Variants in CSTL1 observed in about 807,000 individuals in gnomAD.
The protein encoded by CSTL1 is cystatin like 1.
In CSTL1, 14 loss-of-function variants were observed where a neutral mutation model predicts 14.4. The observed-to-expected ratio is 0.97, with a 90% CI of 0.64 to 1.52. CSTL1 has a LOEUF of 1.52. CSTL1 is among the 40% of genes most tolerant of loss of function. The pLI is 0.00. For synonymous variants in CSTL1, 72 were observed against 67.5 expected, an observed-to-expected ratio of 1.07 and a Z score of -0.33; for missense variants, 170 against 168.7, an observed-to-expected ratio of 1.01 and a Z score of -0.04.
the CSTL1 span, chr20:23,452,535 C>T: frequency 2.5e-5 from 30 of 1,223,606 alleles, no homozygotes; most frequent in South Asian, 2.4e-5. Context: ...AGTGGCCACC[C>T]GATGTGGGCG....
chr20:23,446,049 G>T (rs1455310012), downstream of CSTL1, among the ~76,000 whole-genome samples: 1 of 152,160 alleles, frequency 6.6e-6, no homozygotes, highest in East Asian at 1.9e-4. Context: ...GGTCATGAAG[G>T]TAGTCTCTGC....
In CSTL1 at chr20:23,444,900, G is replaced by A. The variant is rs1206672621; in HGVS notation, c.*22G>A. On this transcript the variant is annotated 3_prime_UTR_variant, in exon 4 of 4. Transcript: ENST00000347397. Reference sequence around the variant, plus strand: ...ATGAGGGCTCATATGATTGAGTTGTGCACTGGCTGTTATTAAACTGTAAAG... The same window carrying A: ...ATGAGGGCTCATATGATTGAGTTGTACACTGGCTGTTATTAAACTGTAAAG... 1 of 1,487,756 alleles carries A rather than the reference G, an allele frequency of 6.7e-7. No homozygotes were observed. 92.2% of individuals were successfully genotyped at this position (1,487,756 alleles called of 1,614,324 possible).
At chr20:23,451,924 T>TG in the CSTL1 span, 14 of 1,611,682 alleles carry the variant, frequency 8.7e-6, no homozygotes, top group African/African-American at 1.9e-4. Context: ...CAGTGACCTG[T>TG]GGGCGCCAGG....
chr20:23,446,881 T>C (rs1986979117), downstream of CSTL1, among the ~76,000 whole-genome samples: 1 of 152,082 alleles, frequency 6.6e-6, no homozygotes, highest in Admixed American at 6.6e-5. Context: ...AACCTCAAAC[T>C]TGACAGCAAG....
the CSTL1 span, among the ~76,000 whole-genome samples, chr20:23,454,338 TAC>T: frequency 9.1e-4 from 116 of 127,484 alleles, no homozygotes; most frequent in African/African-American, 1.9e-3. Context: ...ACACACAACA[TAC>T]ACACACACCT....
chr20:23,449,257 C>G (rs1987025434), downstream of CSTL1, among the ~76,000 whole-genome samples: 1 of 152,200 alleles, frequency 6.6e-6, no homozygotes, highest in Admixed American at 6.5e-5. Context: ...GCCGCTTACT[C>G]TGCCCTGGAG....
At chr20:23,459,407 A>T in the CSTL1 span, 1 of 152,236 alleles carries the variant, frequency 6.6e-6, no homozygotes, top group Non-Finnish European at 1.5e-5. Context: ...TAATGAAATG[A>T]GATAATCCAG....
the CSTL1 span, among the ~76,000 whole-genome samples, chr20:23,453,195 G>A: frequency 3.3e-5 from 5 of 151,520 alleles, no homozygotes; most frequent in South Asian, 4.2e-4. Flanking sequence ...CAGGACTGGC[G>A]CATTCATAGG....
chr20:23,440,482 T>A lies in CSTL1; in HGVS notation c.215T>A (p.Met72Lys), dbSNP rs1486075971. 6.2e-7 allele frequency: 1 copy of A among 1,611,158 alleles called. No individual in the cohort carries two copies. The highest frequency in any genetic ancestry group is 8.5e-7 in the Non-Finnish European group (1 of 1,177,294). ...GTCCAGAGGCTAATTCGAAGTCAGATGCAGGTTTGTACCTTGCTCTCCCAA... is the reference window on the plus strand; with the variant it reads ...GTCCAGAGGCTAATTCGAAGTCAGAAGCAGGTTTGTACCTTGCTCTCCCAA... ...YRVQRLIRSQ[M>K]QLTTGVEYIV... Residue 72 changes from methionine (M) to lysine (K), a missense_variant, in exon 2 of 4, where the codon ATG becomes AAG. Coordinates refer to ENST00000347397, the MANE Select transcript of CSTL1 (RefSeq NM_138283.1).
At position 23,440,454 on chromosome 20, in the gene CSTL1, C is replaced by G. The variant is rs778469768; in HGVS notation, c.187C>G (p.Arg63Gly). The G allele has an allele frequency of 2.5e-6, 4 of 1,613,918 alleles. No individual in the cohort carries two copies. Among genetic ancestry groups the G allele is most frequent in the Non-Finnish European group, 3.4e-6 (4 of 1,179,792 alleles). Reference sequence around the variant, plus strand: ...TGCCAGCAACGACACCTACTTATATCGAGTCCAGAGGCTAATTCGAAGTCA... The same window carrying G: ...TGCCAGCAACGACACCTACTTATATGGAGTCCAGAGGCTAATTCGAAGTCA... ...NNASNDTYLY[R>G]VQRLIRSQMQ... The change falls in exon 2 of 4, where the codon CGA becomes GGA. Residue 63 changes from arginine (R) to glycine (G), a missense_variant. Transcript: ENST00000347397.
the CSTL1 span, chr20:23,451,743 A>G: frequency 4.6e-6 from 5 of 1,089,594 alleles, no homozygotes; most frequent in Non-Finnish European, 6.9e-6. Context: ...ATTCTTCCCA[A>G]CTCATTCTAA....
intron 2 of CSTL1, among the ~76,000 whole-genome samples, chr20:23,442,016 A>G (rs1454453839): frequency 6.6e-6 from 1 of 152,240 alleles, no homozygotes; most frequent in Non-Finnish European, 1.5e-5. Context: ...CAAGATGGCG[A>G]TGTTGCCCAT....
chr20:23,453,214 G>T, the CSTL1 span, among the ~76,000 whole-genome samples: 235 of 151,892 alleles, frequency 1.5e-3, 1 homozygote, highest in East Asian at 0.037. Flanking sequence ...GGTGAGCAGT[G>T]GGGGGTGGGC....
chr20:23,441,479 G>T (rs1187971559), intron 2 of CSTL1, among the ~76,000 whole-genome samples: 1 of 152,150 alleles, frequency 6.6e-6, no homozygotes, highest in African/African-American at 2.4e-5. Context: ...ATGAGGAATT[G>T]GTTCCAGGAC....
At chr20:23,448,483 G>A (rs1286051272), downstream of CSTL1, among the ~76,000 whole-genome samples, 1 of 152,174 alleles carries the variant, frequency 6.6e-6, no homozygotes, top group Non-Finnish European at 1.5e-5. Flanking sequence ...CAGTACCAAT[G>A]TTGGCTTCCT....
chr20:23,452,830 C>G, the CSTL1 span: 1 of 1,585,980 alleles, frequency 6.3e-7, no homozygotes, highest in Non-Finnish European at 8.6e-7. Flanking sequence ...TGCAGAGGAA[C>G]AGGAAGAGTG....
intron 2 of CSTL1, 89 bp from the exon 3 acceptor site, chr20:23,443,845 A>G: frequency 1.1e-6 from 1 of 872,172 alleles, no homozygotes; most frequent in Non-Finnish European, 1.9e-6. Flanking sequence ...TGGCCCTGGG[A>G]GCTTTACTCT....
intron 2 of CSTL1, 137 bp downstream of exon 2, chr20:23,440,623 T>C (rs1254234890): frequency 1.3e-6 from 1 of 756,930 alleles, no homozygotes; most frequent in East Asian, 2.6e-5. Context: ...TCTTCACTTG[T>C]AGCAGGTACA....
At chr20:23,451,384 C>T in the CSTL1 span, among the ~76,000 whole-genome samples, 1 of 152,206 alleles carries the variant, frequency 6.6e-6, no homozygotes, top group African/African-American at 2.4e-5. Context: ...CTTGTTTCCT[C>T]ACCTCCTCCT....
Sources: allele counts gnomAD v4.1 joint callset (sites outside exome capture counted in the v4.1 genomes callset), GRCh38; gene constraint gnomAD v4.1.1; transcripts MANE v1.5; gene names NCBI Gene and HGNC (gene_info 2026-07-23, HGNC 2026-07-21).